Variants in CNKSR2 observed in about 807,000 individuals in gnomAD.
CNKSR2 encodes connector enhancer of kinase suppressor of Ras 2, also known as CNK homolog protein 2.
A neutral mutation model predicts 84.4 loss-of-function variants in CNKSR2; 14 were observed. The observed-to-expected ratio is 0.17, with a 90% CI of 0.11 to 0.26. The LOEUF (loss-of-function observed/expected upper bound fraction) is 0.26, where lower values mean the gene tolerates loss of function less well. Ranked by LOEUF, CNKSR2 falls within the 10% of genes least tolerant of loss-of-function variation. The pLI is 1.00. For missense variants in CNKSR2, 485 were observed against 771.2 expected, an observed-to-expected ratio of 0.63 and a Z score of 4.40; for synonymous variants, 275 against 277.9, an observed-to-expected ratio of 0.99 and a Z score of 0.10.
intron 1 of CNKSR2, among the ~76,000 whole-genome samples, chrX:21,412,753 C>G (rs1307932895): frequency 9.0e-6 from 1 of 111,535 alleles, no homozygotes; most frequent in Non-Finnish European, 1.9e-5. Context: ...CCATATGCCT[C>G]CCAAAATGCT....
intron 4 of CNKSR2, among the ~76,000 whole-genome samples, chrX:21,466,792 C>G (rs1171664064): frequency 9.0e-6 from 1 of 111,147 alleles, no homozygotes. Flanking sequence ...ACCATGTTGG[C>G]CAGGCTGGTC....
chrX:21,586,212 A>C (rs2092387058), intron 13 of CNKSR2, among the ~76,000 whole-genome samples: 1 of 111,634 alleles, frequency 9.0e-6, no homozygotes, highest in Non-Finnish European at 1.9e-5. Flanking sequence ...GAAATCTAAA[A>C]ATTGACTCAC....
intron 13 of CNKSR2, among the ~76,000 whole-genome samples, chrX:21,573,473 A>G (rs913395244): frequency 2.7e-5 from 3 of 112,443 alleles, no homozygotes; most frequent in African/African-American, 9.7e-5. Flanking sequence ...CCACCCCTGC[A>G]GCAAACTTCT....
At chrX:21,610,958 T>A (rs1054140990) in intron 20 of CNKSR2, among the ~76,000 whole-genome samples, 1 of 112,137 alleles carries the variant, frequency 8.9e-6, no homozygotes, top group African/African-American at 3.2e-5. Flanking sequence ...TCATATGCTG[T>A]GGCAGTTTCC....
At chrX:21,546,281 AG>A (rs1416832624) in intron 11 of CNKSR2, among the ~76,000 whole-genome samples, 1 of 108,937 alleles carries the variant, frequency 9.2e-6, no homozygotes, top group Non-Finnish European at 1.9e-5. Context: ...AGCATACACA[AG>A]TATCAGTAGC....
intron 20 of CNKSR2, among the ~76,000 whole-genome samples, chrX:21,623,026 G>A (rs779308735): frequency 9.0e-6 from 1 of 110,652 alleles, no homozygotes; most frequent in South Asian, 3.9e-4. Flanking sequence ...ATAGAGTATT[G>A]GAACCCTACA....
intron 11 of CNKSR2, among the ~76,000 whole-genome samples, chrX:21,549,485 C>T (rs1250587574): frequency 8.9e-6 from 1 of 111,880 alleles, no homozygotes; most frequent in Non-Finnish European, 1.9e-5. Context: ...AATGGCCATA[C>T]TGCCCAAAGT....
At chrX:21,447,897 A>G (rs1267976875) in intron 4 of CNKSR2, among the ~76,000 whole-genome samples, 1 of 111,969 alleles carries the variant, frequency 8.9e-6, no homozygotes, top group Non-Finnish European at 1.9e-5. Flanking sequence ...TACTGGACCC[A>G]TTAAATTAGA....
intron 1 of CNKSR2, among the ~76,000 whole-genome samples, chrX:21,405,191 A>T (rs1203897721): frequency 9.0e-6 from 1 of 111,426 alleles, no homozygotes; most frequent in Non-Finnish European, 1.9e-5. Context: ...CACAAAAATA[A>T]TCTCATTAGG....
intron 11 of CNKSR2, among the ~76,000 whole-genome samples, chrX:21,555,158 AG>A (rs950425596): frequency 3.6e-5 from 4 of 110,936 alleles, no homozygotes; most frequent in African/African-American, 1.3e-4. Context: ...TCTTTTGAAA[AG>A]TGTCTGTTCA....
intron 18 of CNKSR2, among the ~76,000 whole-genome samples, chrX:21,604,281 A>G (rs771044080): frequency 9.1e-6 from 1 of 110,017 alleles, no homozygotes; most frequent in East Asian, 2.9e-4. Context: ...ACACTTGGAC[A>G]GTGGAAGGGG....
At chrX:21,391,015 C>G (rs1267556013) in intron 1 of CNKSR2, among the ~76,000 whole-genome samples, 1 of 112,435 alleles carries the variant, frequency 8.9e-6, no homozygotes, top group African/African-American at 3.2e-5. Context: ...TAATTACCTC[C>G]CTTGACTCCA....
chrX:21,496,245 A>AT (rs1468711816), intron 6 of CNKSR2, among the ~76,000 whole-genome samples: 1 of 111,816 alleles, frequency 8.9e-6, no homozygotes, highest in Non-Finnish European at 1.9e-5. Context: ...AATATTGTTA[A>AT]TTCCTGAATG....
intron 21 of CNKSR2, among the ~76,000 whole-genome samples, chrX:21,651,236 T>A (rs937981188): frequency 8.9e-6 from 1 of 112,252 alleles, no homozygotes; most frequent in African/African-American, 3.2e-5. Flanking sequence ...GAAAAGTCAC[T>A]GTAAAAAATG....
chrX:21,566,216 A>G (rs1314154764), intron 13 of CNKSR2, among the ~76,000 whole-genome samples: 2 of 112,100 alleles, frequency 1.8e-5, no homozygotes. Flanking sequence ...GTTAGGGGAA[A>G]CATACTGAGC....
intron 1 of CNKSR2, among the ~76,000 whole-genome samples, chrX:21,389,987 T>G (rs2090026555): frequency 8.9e-6 from 1 of 112,227 alleles, no homozygotes; most frequent in Non-Finnish European, 1.9e-5. Flanking sequence ...ATGGATAGGA[T>G]GGAGACCACC....
At chrX:21,598,892 C>T (rs761358317) in intron 17 of CNKSR2, among the ~76,000 whole-genome samples, 1 of 112,313 alleles carries the variant, frequency 8.9e-6, no homozygotes, top group Non-Finnish European at 1.9e-5. Context: ...TTCATAATAA[C>T]CTAAAATATT....
At position 21,470,797 on chromosome X, in the gene CNKSR2, T is replaced by G; in HGVS notation, c.551T>G (p.Ile184Ser). 9.7e-7 allele frequency: 1 copy of G among 1,027,677 alleles called. No individual in the cohort carries two copies. Among genetic ancestry groups the G allele is most frequent in the Non-Finnish European group, 1.3e-6 (1 of 752,468 alleles). 84.7% of individuals were successfully genotyped at this position (1,027,677 alleles called of 1,213,427 possible). ...ACTGTATATGAAACAGAGAATAAAA[T>G]TCTTCACGTGGTGAGTATACTTGGA... Reference protein sequence around the residue: ...DCTVYETENKILHVCKTLSGV... With the variant: ...DCTVYETENKSLHVCKTLSGV... The change falls in exon 5 of 22, where the codon ATT becomes AGT. Residue 184 changes from isoleucine to serine, a missense_variant. Coordinates refer to ENST00000379510, the MANE Select transcript of CNKSR2 (RefSeq NM_014927.5).
intron 2 of CNKSR2, among the ~76,000 whole-genome samples, chrX:21,431,197 G>A (rs1233020518): frequency 3.6e-5 from 4 of 111,532 alleles, no homozygotes; most frequent in African/African-American, 1.3e-4. Context: ...ACACCTAAAT[G>A]TTATATACAA....
Sources: allele counts gnomAD v4.1 joint callset (sites outside exome capture counted in the v4.1 genomes callset), GRCh38; gene constraint gnomAD v4.1.1; transcripts MANE v1.5; gene names NCBI Gene and HGNC (gene_info 2026-07-23, HGNC 2026-07-21).